The following TMEM132B variants were observed in gnomAD, a reference collection of about 807,000 sequenced individuals.
TMEM132B encodes the protein transmembrane protein 132B.
A neutral mutation model predicts 90.8 loss-of-function variants in TMEM132B; 18 were observed. The ratio of observed to expected loss-of-function variants is 0.20; its 90% CI spans 0.14 to 0.29. TMEM132B has a LOEUF of 0.29. Among genes scored for constraint, TMEM132B ranks in the 10% least tolerant of loss-of-function variants. The probability of loss-of-function intolerance (pLI) is 1.00; values close to 1 mark genes in which losing one functional copy is unlikely to be tolerated. For missense variants in TMEM132B, 1,096 were observed against 1,326.8 expected (o/e 0.83, Z 2.70); for synonymous variants, 504 against 523.3 (o/e 0.96, Z 0.50).
Position 125,415,849 on chromosome 12 carries a change from G to A in TMEM132B, c.1106+172G>A, listed in dbSNP as rs928532667. On this transcript the variant is annotated intron_variant, in intron 3 of 8. Transcript: ENST00000682704. This position sits in a 1 kb window ranked among gnomAD's most constrained non-coding sequence, Gnocchi z 5.3. ...CACCAGAGTTCACATTTATCACAGC[G>A]TCGGGTTTGGTAACCGCGTTTTAAA... Among the ~76,000 whole-genome samples the A allele has an allele frequency of 6.6e-6, 1 of 152,158 alleles. No individual in the cohort carries two copies. The highest frequency in any genetic ancestry group is 2.1e-4 in the South Asian group (1 of 4,828).
chr12:125,432,505 G>A (rs201766231), intron 3 of TMEM132B, among the ~76,000 whole-genome samples: 644 of 10,396 alleles, frequency 0.062, 34 homozygotes, highest in East Asian at 0.18. Context: ...ATATATATGT[G>A]TGTGTGTATA....
intron 1 of TMEM132B, among the ~76,000 whole-genome samples, chr12:125,199,539 A>G (rs569858780): frequency 5.9e-5 from 9 of 152,194 alleles, no homozygotes; most frequent in Non-Finnish European, 1.3e-4. Flanking sequence ...AAGGAAGCCT[A>G]GATTTGATGT....
At chr12:125,616,329 AG>A (rs1001398656) in intron 5 of TMEM132B, among the ~76,000 whole-genome samples, 158 of 152,128 alleles carry the variant, frequency 1.0e-3, no homozygotes, top group African/African-American at 3.6e-3. Flanking sequence ...TACCGTCTCG[AG>A]GTTACAGAAA....
At chr12:125,434,790 C>T (rs987872790) in intron 3 of TMEM132B, among the ~76,000 whole-genome samples, 1 of 152,168 alleles carries the variant, frequency 6.6e-6, no homozygotes, top group South Asian at 2.1e-4. Context: ...CTTGGGTAAC[C>T]AATTCCCTGC....
chr12:125,462,300 T>C (rs1223571697), intron 3 of TMEM132B, among the ~76,000 whole-genome samples: 1 of 152,214 alleles, frequency 6.6e-6, no homozygotes, highest in African/African-American at 2.4e-5. Flanking sequence ...AGATATTATA[T>C]TATCTCTTTA....
rs1876458379 is a variant in TMEM132B, at chr12:125,322,569, T to C, written c.68-26883T>C. Among the ~76,000 whole-genome samples, 3 of 152,302 alleles carry C rather than the reference T, an allele frequency of 2.0e-5. No individual in the cohort carries two copies. The South Asian group carries it at 6.2e-4, about 32-fold the overall frequency. ...CAGGGAGCTTTTGGGGTGTAGGAAG[T>C]ATTCTAAAACTAAATTGTGGCAATG... is the stretch of plus-strand genomic sequence containing the variant. On this transcript the variant is annotated intron_variant, in intron 1 of 8. Coordinates refer to ENST00000682704, the MANE Select transcript of TMEM132B (RefSeq NM_001366854.1).
intron 3 of TMEM132B, among the ~76,000 whole-genome samples, chr12:125,434,877 G>A (rs191802292): frequency 1.4e-3 from 217 of 152,328 alleles, no homozygotes; most frequent in African/African-American, 5.1e-3. Flanking sequence ...GGGGTCAGGA[G>A]CGAAGAGCCC....
In TMEM132B at chr12:125,644,151, A is replaced by G. The variant is rs1252589330; in HGVS notation, c.1513A>G (p.Thr505Ala). 6.2e-7 allele frequency: 1 copy of G among 1,614,036 alleles called. No individual in the cohort carries two copies. Among genetic ancestry groups the G allele is most frequent in the East Asian group, 2.2e-5 (1 of 44,896 alleles). Reference sequence around the variant, plus strand: ...CAAAGTGGACACGATTGTGAACTTCACCCACCAGCACTTCACCTCCCAGTT... The same window carrying G: ...CAAAGTGGACACGATTGTGAACTTCGCCCACCAGCACTTCACCTCCCAGTT... ...KSKVDTIVNF[T>A]HQHFTSQFEV... The change falls in exon 6 of 9, where the codon ACC (threonine) becomes GCC (alanine). Residue 505 changes from threonine to alanine, a missense_variant. Transcript: ENST00000682704.
rs1414341530 is a variant in TMEM132B at position 125,407,867 on chromosome 12, G to A, written c.960-7664G>A. Among the ~76,000 whole-genome samples, 1 of 152,226 alleles carries A rather than the reference G, an allele frequency of 6.6e-6. No individual in the cohort carries two copies. Among genetic ancestry groups the A allele is most frequent in the South Asian group, 2.1e-4 (1 of 4,836 alleles). ...CTCTGACTTACGTCCCTGTTACAAT[G>A]CACTTGCTCTGTTTTGAACTTCATA... On this transcript the variant is annotated intron_variant, in intron 2 of 8. Coordinates refer to ENST00000682704, the MANE Select transcript of TMEM132B (RefSeq NM_001366854.1). This position sits in a 1 kb window ranked among gnomAD's most constrained non-coding sequence, Gnocchi z 6.7.
At chr12:125,469,451 A>G (rs949015607) in intron 3 of TMEM132B, among the ~76,000 whole-genome samples, 5 of 152,232 alleles carry the variant, frequency 3.3e-5, no homozygotes, top group Non-Finnish European at 5.9e-5. Context: ...AATATTATTT[A>G]TGGTGATTTT....
chr12:125,626,570 A>C (rs1266945221), intron 5 of TMEM132B, among the ~76,000 whole-genome samples: 3 of 152,180 alleles, frequency 2.0e-5, no homozygotes, highest in Non-Finnish European at 1.5e-5. Context: ...GGCTGGGTAT[A>C]GAACTATAGG....
At chr12:125,480,051 C>T (rs568844244) in intron 3 of TMEM132B, among the ~76,000 whole-genome samples, 21 of 152,152 alleles carry the variant, frequency 1.4e-4, no homozygotes, top group South Asian at 2.1e-4. Context: ...AGATGTTCTT[C>T]GAAACTAATG....
At chr12:125,223,187 C>A (rs1873599875) in intron 1 of TMEM132B, among the ~76,000 whole-genome samples, 1 of 152,174 alleles carries the variant, frequency 6.6e-6, no homozygotes. Flanking sequence ...ATAAAGTGAT[C>A]TGAATATCAA....
chr12:125,396,499 A>T (rs924652141), intron 2 of TMEM132B, among the ~76,000 whole-genome samples: 13 of 152,166 alleles, frequency 8.5e-5, no homozygotes, highest in African/African-American at 2.9e-4. Context: ...TGAGGTAGGT[A>T]CTATTATTTA....
At chr12:125,287,300 C>A (rs1291634026) in intron 1 of TMEM132B, among the ~76,000 whole-genome samples, 1 of 152,128 alleles carries the variant, frequency 6.6e-6, no homozygotes. Context: ...ATCTCAAGAT[C>A]CTTAATTTAA....
intron 3 of TMEM132B, among the ~76,000 whole-genome samples, chr12:125,449,303 A>T (rs1881089533): frequency 6.6e-6 from 1 of 152,046 alleles, no homozygotes; most frequent in Non-Finnish European, 1.5e-5. Context: ...TGGTCAGTTT[A>T]TCTATTTTGT....
rs528679198 is a variant in TMEM132B at position 125,603,104 on chromosome 12, T to C, written c.1437+19110T>C. Among the ~76,000 whole-genome samples, 192 of 152,312 alleles carry C rather than the reference T, an allele frequency of 1.3e-3. 1 individual carries two copies. Among genetic ancestry groups the C allele is most frequent in the African/African-American group, 4.4e-3 (183 of 41,578 alleles). On this transcript the variant is annotated intron_variant, in intron 5 of 8. Transcript: ENST00000682704. ...CATTCTTCACAGAATTAGCAAAAAC[T>C]ACTTTAAATTTCATATGGAACCAAA...
At chr12:125,418,298 G>GTTA (rs1314871250) in intron 3 of TMEM132B, among the ~76,000 whole-genome samples, 1 of 152,098 alleles carries the variant, frequency 6.6e-6, no homozygotes, top group Admixed American at 6.5e-5. Flanking sequence ...AAGTAAAGTA[G>GTTA]TTATATAAGC....
chr12:125,221,794 G>A (rs1011111791), intron 1 of TMEM132B, among the ~76,000 whole-genome samples: 2 of 152,242 alleles, frequency 1.3e-5, no homozygotes, highest in Admixed American at 1.3e-4. Context: ...CTTCCTGGAG[G>A]AGGTGTGACT....
Sources: gnomAD v4.1 joint callset for allele counts (sites outside exome capture counted in the v4.1 genomes callset) on GRCh38, gnomAD v4.1.1 for gene constraint, Gnocchi (gnomAD v3.1) non-coding constraint, MANE v1.5 for transcripts, NCBI Gene and HGNC (gene_info 2026-07-23, HGNC 2026-07-21) for gene names.